The following FCHSD2 variants were observed in gnomAD, a reference collection of about 807,000 sequenced individuals.
FCHSD2 encodes F-BAR and double SH3 domains protein 2.
In FCHSD2, 38 loss-of-function variants were observed where a neutral mutation model predicts 108.1. The ratio of observed to expected loss-of-function variants is 0.35; its 90% CI spans 0.27 to 0.46. FCHSD2 has a LOEUF of 0.46. FCHSD2 is among the 20% of genes least tolerant of loss of function. The pLI is 1.00. For missense variants in FCHSD2, 751 were observed against 897.8 expected, an observed-to-expected ratio of 0.84 and a Z score of 2.09; for synonymous variants, 279 against 314.7, an observed-to-expected ratio of 0.89 and a Z score of 1.20.
At chr11:72,913,131 G>A (rs1362333829) in intron 9 of FCHSD2, among the ~76,000 whole-genome samples, 1 of 152,068 alleles carries the variant, frequency 6.6e-6, no homozygotes, top group Non-Finnish European at 1.5e-5. Flanking sequence ...AACAGCAAGG[G>A]GGAACTCCAT....
At chr11:72,883,936 A>C (rs1487760562) in intron 12 of FCHSD2, among the ~76,000 whole-genome samples, 3 of 151,950 alleles carry the variant, frequency 2.0e-5, no homozygotes, top group Non-Finnish European at 4.4e-5. Context: ...TGTCTCAAAA[A>C]AAAAAAAAAA....
At chr11:72,858,543 CA>C (rs1861485086) in intron 13 of FCHSD2, among the ~76,000 whole-genome samples, 1 of 152,166 alleles carries the variant, frequency 6.6e-6, no homozygotes, top group Non-Finnish European at 1.5e-5. Flanking sequence ...CGCAAATTCT[CA>C]TTTGTAAGTG....
At chr11:72,919,184 G>A (rs1855933468) in intron 9 of FCHSD2, among the ~76,000 whole-genome samples, 1 of 152,148 alleles carries the variant, frequency 6.6e-6, no homozygotes, top group African/African-American at 2.4e-5. Flanking sequence ...CATAGCAAGA[G>A]CAGCATAACA....
intron 8 of FCHSD2, among the ~76,000 whole-genome samples, chr11:72,975,653 A>G (rs756958675): frequency 1.3e-5 from 2 of 152,200 alleles, no homozygotes; most frequent in Non-Finnish European, 2.9e-5. Flanking sequence ...TTATGTATCA[A>G]TTTTAGAAAG....
intron 3 of FCHSD2, among the ~76,000 whole-genome samples, chr11:73,082,285 C>A (rs1264004909): frequency 8.1e-6 from 1 of 123,568 alleles, no homozygotes; most frequent in African/African-American, 3.1e-5. Flanking sequence ...TGCAGTGAGC[C>A]GAGATCGCAC....
chr11:72,842,975 T>C, intron 16 of FCHSD2, 134 bp from the exon 17 acceptor site: 1 of 875,722 alleles, frequency 1.1e-6, no homozygotes, highest in Admixed American at 2.7e-5. Flanking sequence ...TTTTACTCAC[T>C]GATGAATGAT....
Position 72,863,095 on chromosome 11 carries a change from AT to A in FCHSD2, c.1308+4769del, listed in dbSNP as rs559477062. Among the ~76,000 whole-genome samples, 45 of 148,270 alleles carry A rather than the reference AT, an allele frequency of 3.0e-4. No individual in the cohort carries two copies. In the South Asian group the frequency reaches 4.3e-3, roughly 14 times the overall value. ...GTACCACAATGCCTGGCTAGTTGAAATTTTTTTTTTTCTTTTTTTAGAGACA... is the reference window on the plus strand; with the variant it reads ...GTACCACAATGCCTGGCTAGTTGAAATTTTTTTTTTCTTTTTTTAGAGACA... On this transcript the variant is annotated intron_variant, in intron 13 of 19. Coordinates refer to ENST00000409418, the MANE Select transcript of FCHSD2 (RefSeq NM_014824.3).
chr11:72,954,099 G>A (rs1856666432), intron 8 of FCHSD2, among the ~76,000 whole-genome samples: 1 of 152,126 alleles, frequency 6.6e-6, no homozygotes, highest in Non-Finnish European at 1.5e-5. Context: ...AAAGGTAGGG[G>A]TGGGAGTAGA....
chr11:72,914,963 ATTT>A (rs144998272), intron 9 of FCHSD2, among the ~76,000 whole-genome samples: 3 of 120,466 alleles, frequency 2.5e-5, no homozygotes, highest in African/African-American at 6.4e-5. Context: ...CAGAATGGGA[ATTT>A]TTTTTTTTTT....
chr11:72,989,567 T>C (rs1243361682), intron 5 of FCHSD2, among the ~76,000 whole-genome samples: 1 of 152,180 alleles, frequency 6.6e-6, no homozygotes, highest in Non-Finnish European at 1.5e-5. Flanking sequence ...TAGTCTGACT[T>C]GGTAAGTCCA....
chr11:73,077,070 A>G (rs900965601), intron 3 of FCHSD2, among the ~76,000 whole-genome samples: 6 of 143,620 alleles, frequency 4.2e-5, no homozygotes. Flanking sequence ...AGATTATGCC[A>G]TTGCACTCCA....
chr11:73,103,944 C>T (rs1390701266), intron 2 of FCHSD2, among the ~76,000 whole-genome samples: 1 of 152,198 alleles, frequency 6.6e-6, no homozygotes, highest in African/African-American at 2.4e-5. Flanking sequence ...TTTGCAATGT[C>T]TGAAACAAGG....
chr11:73,047,762 T>C (rs1858802070), intron 3 of FCHSD2, among the ~76,000 whole-genome samples: 2 of 152,204 alleles, frequency 1.3e-5, no homozygotes, highest in Non-Finnish European at 2.9e-5. Context: ...CTATAAAATG[T>C]ATTGACTTTT....
chr11:72,900,233 G>T, intron 10 of FCHSD2: 5 of 485,906 alleles, frequency 1.0e-5, no homozygotes, highest in Non-Finnish European at 2.0e-5. Context: ...CATCCCTCCC[G>T]CCCTTGACCC....
At chr11:73,010,761 G>A (rs746222333) in intron 4 of FCHSD2, among the ~76,000 whole-genome samples, 2 of 152,236 alleles carry the variant, frequency 1.3e-5, no homozygotes, top group Non-Finnish European at 2.9e-5. Flanking sequence ...GCCAGTCTTT[G>A]AGCCCCAGTA....
chr11:72,876,582 T>C (rs1448798912), intron 12 of FCHSD2, among the ~76,000 whole-genome samples: 1 of 152,244 alleles, frequency 6.6e-6, no homozygotes, highest in Non-Finnish European at 1.5e-5. Context: ...AACAGGTTTA[T>C]GGTCCAGTGT....
chr11:73,036,449 A>T (rs2135457714), intron 3 of FCHSD2, among the ~76,000 whole-genome samples: 1 of 152,306 alleles, frequency 6.6e-6, no homozygotes, highest in Non-Finnish European at 1.5e-5. Flanking sequence ...ATAAATTGAC[A>T]CTGAAAATAA....
intron 4 of FCHSD2, among the ~76,000 whole-genome samples, chr11:73,003,951 A>G (rs1212819798): frequency 6.6e-6 from 1 of 151,220 alleles, no homozygotes; most frequent in African/African-American, 2.4e-5. Context: ...TACTGAAAAT[A>G]CAAAAATTAG....
chr11:72,998,027 G>T (rs924317228), intron 5 of FCHSD2, among the ~76,000 whole-genome samples: 10 of 152,106 alleles, frequency 6.6e-5, no homozygotes, highest in African/African-American at 2.2e-4. Flanking sequence ...ATTCAAAATA[G>T]TAGAACAGTA....
Sources: allele counts gnomAD v4.1 joint callset (sites outside exome capture counted in the v4.1 genomes callset), GRCh38; gene constraint gnomAD v4.1.1; transcripts MANE v1.5; gene names NCBI Gene and HGNC (gene_info 2026-07-23, HGNC 2026-07-21).